PALLD: variants seen among roughly 807,000 people sequenced by gnomAD.
The protein encoded by PALLD is palladin, cytoskeletal associated protein.
In PALLD, 61 loss-of-function variants were observed where a neutral mutation model predicts 123.5. That is an observed-to-expected ratio of 0.49 (90% CI 0.40 to 0.61). The LOEUF (loss-of-function observed/expected upper bound fraction) is 0.61, where lower values mean the gene tolerates loss of function less well. PALLD is among the 20% of genes least tolerant of loss of function. The probability of loss-of-function intolerance (pLI) is 0.00; values close to 1 mark genes in which losing one functional copy is unlikely to be tolerated. For synonymous variants in PALLD, 465 were observed against 496.4 expected (o/e 0.94, Z 0.84); for missense variants, 1,273 against 1,377.0 (o/e 0.92, Z 1.20).
At chr4:168,881,236 T>G (rs1021322188) in intron 10 of PALLD, among the ~76,000 whole-genome samples, 1 of 152,190 alleles carries the variant, frequency 6.6e-6, no homozygotes, top group Non-Finnish European at 1.5e-5. Context: ...ACTTGTATAC[T>G]TGCTGTTTTA....
chr4:168,770,426 G>T (rs1238144722), intron 10 of PALLD, among the ~76,000 whole-genome samples: 1 of 152,116 alleles, frequency 6.6e-6, no homozygotes, highest in Non-Finnish European at 1.5e-5. Flanking sequence ...CTCCAGTGCT[G>T]CCTGCTCATT....
At chr4:168,767,542 A>ATTTTTTTTTTTTTT (rs5863956) in intron 10 of PALLD, among the ~76,000 whole-genome samples, 1 of 125,694 alleles carries the variant, frequency 8.0e-6, no homozygotes, top group Non-Finnish European at 1.7e-5. Flanking sequence ...CCTGTCTCTG[A>ATTTTTTTTTTTTTT]TTTTTTTTTT....
At chr4:168,773,885 G>A (rs927795980) in intron 10 of PALLD, among the ~76,000 whole-genome samples, 2 of 151,994 alleles carry the variant, frequency 1.3e-5, no homozygotes, top group Non-Finnish European at 2.9e-5. Flanking sequence ...CTGAGGAAAT[G>A]TTCATTAAAT....
chr4:168,684,039 A>G (rs568628805), intron 5 of PALLD, among the ~76,000 whole-genome samples: 1 of 152,338 alleles, frequency 6.6e-6, no homozygotes, highest in African/African-American at 2.4e-5. Flanking sequence ...TGGAATTTAT[A>G]GAAATATTTG....
intron 2 of PALLD, among the ~76,000 whole-genome samples, chr4:168,519,976 T>C (rs1763370864): frequency 6.6e-6 from 1 of 152,166 alleles, no homozygotes; most frequent in Non-Finnish European, 1.5e-5. Context: ...GGACAATAAA[T>C]ATTCCCTAGA....
At chr4:168,923,367 T>C (rs1210087797) in intron 18 of PALLD, among the ~76,000 whole-genome samples, 1 of 152,234 alleles carries the variant, frequency 6.6e-6, no homozygotes, top group Non-Finnish European at 1.5e-5. Flanking sequence ...TGCTGTGATA[T>C]ATCTGTCACT....
At chr4:168,842,372 C>A (rs2150930950) in intron 10 of PALLD, among the ~76,000 whole-genome samples, 1 of 152,358 alleles carries the variant, frequency 6.6e-6, no homozygotes, top group South Asian at 2.1e-4. Context: ...GGATCATCTT[C>A]TGGCAAGCTT....
Position 168,616,788 on chromosome 4 carries a change from A to G in PALLD, c.909-51402A>G, listed in dbSNP as rs550347357. On this transcript the variant is annotated intron_variant, in intron 2 of 21. Coordinates refer to ENST00000505667, the MANE Select transcript of PALLD (RefSeq NM_001166108.2). The stretch of plus-strand genomic sequence containing the variant: ...ACAAGCTTCCCAGGCAATTCCTAAG[A>G]CCCTAAAGTTTGGGGAATGACTACT... Among the ~76,000 whole-genome samples the G allele has an allele frequency of 8.5e-5, 13 of 152,206 alleles. No homozygotes were observed. In the South Asian group the frequency reaches 2.7e-3, roughly 32 times the overall value.
intron 10 of PALLD, among the ~76,000 whole-genome samples, chr4:168,773,787 C>T (rs76474487): frequency 5.1e-4 from 77 of 152,274 alleles, no homozygotes; most frequent in East Asian, 1.5e-3. Context: ...TCCCCACCCA[C>T]CTCGCCGCCT....
chr4:168,780,960 T>G (rs1240371760), intron 10 of PALLD, among the ~76,000 whole-genome samples: 1 of 152,192 alleles, frequency 6.6e-6, no homozygotes, highest in Non-Finnish European at 1.5e-5. Context: ...AGTGCTGGAA[T>G]TACAGGCATG....
At chr4:168,609,350 A>AAAAG (rs1773511130) in intron 2 of PALLD, among the ~76,000 whole-genome samples, 1 of 150,626 alleles carries the variant, frequency 6.6e-6, no homozygotes, top group Non-Finnish European at 1.5e-5. Context: ...GTTACCAAAA[A>AAAAG]AAAAAAAAAA....
chr4:168,639,828 G>A (rs1023246982), intron 2 of PALLD, among the ~76,000 whole-genome samples: 5 of 152,182 alleles, frequency 3.3e-5, no homozygotes, highest in African/African-American at 4.8e-5. Flanking sequence ...ATAGGCGTGA[G>A]CCACCGTGCC....
intron 10 of PALLD, among the ~76,000 whole-genome samples, chr4:168,814,084 C>G (rs1355802916): frequency 2.6e-5 from 4 of 152,130 alleles, no homozygotes; most frequent in African/African-American, 9.7e-5. Context: ...AAGACGCTAT[C>G]AATAATACAT....
intron 15 of PALLD, among the ~76,000 whole-genome samples, chr4:168,910,220 C>CTTTT (rs70961563): frequency 5.3e-5 from 6 of 114,012 alleles, no homozygotes; most frequent in Non-Finnish European, 5.5e-5. Context: ...AACCTGTTTA[C>CTTTT]TTTTTTTTTT....
chr4:168,588,441 T>A (rs564310737), intron 2 of PALLD, among the ~76,000 whole-genome samples: 2 of 152,170 alleles, frequency 1.3e-5, no homozygotes, highest in African/African-American at 4.8e-5. Flanking sequence ...TCTCACTCTG[T>A]CACCCAGGCT....
intron 10 of PALLD, among the ~76,000 whole-genome samples, chr4:168,715,971 A>G (rs1177757297): frequency 1.3e-5 from 2 of 151,996 alleles, no homozygotes; most frequent in African/African-American, 2.4e-5. Context: ...AGTCAAAACC[A>G]TAGACATGCA....
chr4:168,622,344 T>A (rs1774842959), intron 2 of PALLD, among the ~76,000 whole-genome samples: 1 of 152,156 alleles, frequency 6.6e-6, no homozygotes, highest in African/African-American at 2.4e-5. Context: ...GGTCCATCAT[T>A]TTGGGATTTT....
At chr4:168,757,986 G>A (rs568136044) in intron 10 of PALLD, among the ~76,000 whole-genome samples, 87 of 152,298 alleles carry the variant, frequency 5.7e-4, no homozygotes, top group East Asian at 4.6e-3. Flanking sequence ...CAGGAGAGTC[G>A]CCTGAACCTG....
intron 10 of PALLD, among the ~76,000 whole-genome samples, chr4:168,754,668 A>G (rs1731530727): frequency 6.6e-6 from 1 of 152,166 alleles, no homozygotes. Context: ...AGTATCTCAA[A>G]GTAAAATGTG....
Sources: allele counts gnomAD v4.1 joint callset (sites outside exome capture counted in the v4.1 genomes callset), GRCh38; gene constraint gnomAD v4.1.1; transcripts MANE v1.5; gene names NCBI Gene and HGNC (gene_info 2026-07-23, HGNC 2026-07-21).